The following LARGE1 variants were observed in gnomAD, a reference collection of about 807,000 sequenced individuals.
LARGE1 encodes xylosyl- and glucuronyltransferase LARGE1.
Under a neutral mutation model 87.6 loss-of-function variants are expected in LARGE1, and 43 were observed. That is an observed-to-expected ratio of 0.49 (90% CI 0.38 to 0.63). LARGE1 has a LOEUF of 0.63. LARGE1 is among the 30% of genes least tolerant of loss of function. LARGE1 has a pLI of 0.00. For missense variants in LARGE1, 802 were observed against 1,000.2 expected (o/e 0.80, Z 2.67); for synonymous variants, 434 against 394.6 (o/e 1.10, Z -1.18).
At chr22:33,884,485 T>C (rs1032672763) in intron 1 of LARGE1, among the ~76,000 whole-genome samples, 1 of 152,204 alleles carries the variant, frequency 6.6e-6, no homozygotes, top group South Asian at 2.1e-4. Context: ...GGCCTGACTA[T>C]GGGAAGGCAT....
chr22:33,239,231 T>C (rs747383550), intron 11 of LARGE1, among the ~76,000 whole-genome samples: 3 of 152,074 alleles, frequency 2.0e-5, no homozygotes, highest in Non-Finnish European at 4.4e-5. Flanking sequence ...CCTAGTGAAA[T>C]TGCTGCATCA....
rs60101157 is a variant in LARGE1 at position 33,193,943 on chromosome 22, TTA to T, written c.1731-27113_1731-27112del. On this transcript the variant is annotated intron_variant, in intron 11 of 11. Transcript: ENST00000608642. ...TTATATATATTAAATATGTTATAGA[TTA>T]TGTTTTATATGTTATATATGTTTAT... 5.4e-5 allele frequency among the ~76,000 whole-genome samples: 8 copies of T among 147,206 alleles called. 1 individual carries two copies. In the South Asian group the frequency reaches 1.0e-3, roughly 19 times the overall value.
At chr22:33,622,177 C>T (rs1352972712) in intron 4 of LARGE1, among the ~76,000 whole-genome samples, 4 of 152,084 alleles carry the variant, frequency 2.6e-5, no homozygotes, top group Non-Finnish European at 5.9e-5. Context: ...TCCTATAATC[C>T]CCATAATCCC....
chr22:33,703,344 G>A (rs1259198734), intron 2 of LARGE1, among the ~76,000 whole-genome samples: 3 of 139,736 alleles, frequency 2.1e-5, no homozygotes, highest in African/African-American at 5.4e-5. Context: ...ATGTATCCCA[G>A]AGCCTAAAGT....
intron 1 of LARGE1, among the ~76,000 whole-genome samples, chr22:33,889,816 C>A (rs2064957702): frequency 6.6e-6 from 1 of 152,194 alleles, no homozygotes; most frequent in South Asian, 2.1e-4. Context: ...TCATAACTTT[C>A]TGAGTGTTCA....
intron 1 of LARGE1, among the ~76,000 whole-genome samples, chr22:33,808,662 G>T (rs559694691): frequency 4.0e-4 from 61 of 152,314 alleles, no homozygotes; most frequent in African/African-American, 1.3e-3. Context: ...ATGTGAGCCG[G>T]ATCAATTTCA....
At chr22:33,658,329 C>T (rs532386721) in intron 2 of LARGE1, among the ~76,000 whole-genome samples, 1 of 152,224 alleles carries the variant, frequency 6.6e-6, no homozygotes, top group South Asian at 2.1e-4. Context: ...GCAGGACATG[C>T]AGGTTTGTTA....
the LARGE1 span, among the ~76,000 whole-genome samples, chr22:33,123,939 G>A: frequency 2.6e-4 from 40 of 152,260 alleles, no homozygotes; most frequent in Middle Eastern, 3.4e-3. Flanking sequence ...TCCCACATCA[G>A]GCGGTGCTCT....
chr22:33,757,405 CCTG>C (rs1326047586), intron 2 of LARGE1, among the ~76,000 whole-genome samples: 158 of 152,234 alleles, frequency 1.0e-3, no homozygotes, highest in Admixed American at 3.5e-3. Context: ...ATGTCGGCAC[CCTG>C]CTAAGTGCAC....
chr22:33,909,617 C>A (rs1013585719), intron 1 of LARGE1, among the ~76,000 whole-genome samples: 4 of 152,046 alleles, frequency 2.6e-5, no homozygotes, highest in Non-Finnish European at 4.4e-5. Context: ...CGGCTCACTG[C>A]AAGCTCTGAC....
At chr22:33,334,319 C>G (rs1280193269) in intron 10 of LARGE1, among the ~76,000 whole-genome samples, 1 of 143,546 alleles carries the variant, frequency 7.0e-6, no homozygotes, top group Non-Finnish European at 1.5e-5. Context: ...GAAGCTGAAG[C>G]AGAATTGCTT....
chr22:33,627,703 G>A (rs1416250902), intron 3 of LARGE1, among the ~76,000 whole-genome samples: 3 of 152,024 alleles, frequency 2.0e-5, no homozygotes, highest in Non-Finnish European at 4.4e-5. Flanking sequence ...CGGGAGGCTC[G>A]GCCATCAGGG....
chr22:33,074,314 T>C, the LARGE1 span, among the ~76,000 whole-genome samples: 2 of 152,190 alleles, frequency 1.3e-5, no homozygotes, highest in Non-Finnish European at 2.9e-5. Context: ...TTTTCCTCCA[T>C]AATCATGACC....
chr22:33,690,399 C>T (rs1045204908), intron 2 of LARGE1, among the ~76,000 whole-genome samples: 2 of 152,056 alleles, frequency 1.3e-5, no homozygotes, highest in Non-Finnish European at 2.9e-5. Flanking sequence ...GTGAACGTAA[C>T]GGCTATAAAA....
At chr22:33,572,420 C>G (rs1209919107) in intron 5 of LARGE1, among the ~76,000 whole-genome samples, 1 of 152,154 alleles carries the variant, frequency 6.6e-6, no homozygotes, top group African/African-American at 2.4e-5. Context: ...TGGCCCAATT[C>G]TGAATCCTGA....
chr22:33,144,550 A>G, the LARGE1 span, among the ~76,000 whole-genome samples: 1 of 152,164 alleles, frequency 6.6e-6, no homozygotes, highest in Non-Finnish European at 1.5e-5. Flanking sequence ...TCAAGAATCT[A>G]ATAGTGCTGC....
chr22:33,762,781 C>A (rs972439857), intron 1 of LARGE1, among the ~76,000 whole-genome samples: 2 of 152,156 alleles, frequency 1.3e-5, no homozygotes, highest in Non-Finnish European at 2.9e-5. Context: ...AATCATGAAA[C>A]CTACAAAGGA....
At chr22:33,321,842 G>A (rs1209603715) in intron 10 of LARGE1, among the ~76,000 whole-genome samples, 2 of 152,104 alleles carry the variant, frequency 1.3e-5, no homozygotes, top group Non-Finnish European at 2.9e-5. Context: ...TGACTAAGAT[G>A]GAGTCTCACT....
At chr22:33,375,703 G>T (rs1405835629) in intron 9 of LARGE1, among the ~76,000 whole-genome samples, 4 of 152,008 alleles carry the variant, frequency 2.6e-5, no homozygotes, top group Admixed American at 1.3e-4. Flanking sequence ...TCTGTCTTGG[G>T]TTATCTTATT....
Sources: allele counts gnomAD v4.1 joint callset (sites outside exome capture counted in the v4.1 genomes callset), GRCh38; gene constraint gnomAD v4.1.1; transcripts MANE v1.5; gene names NCBI Gene and HGNC (gene_info 2026-07-23, HGNC 2026-07-21).